TNS3: variants seen among roughly 807,000 people sequenced by gnomAD.
TNS3 encodes tensin 3.
In TNS3, 45 loss-of-function variants were observed where a neutral mutation model predicts 140.9. The observed-to-expected ratio is 0.32, with a 90% CI of 0.25 to 0.41. The LOEUF is 0.41. Ranked by LOEUF, TNS3 falls within the 10% of genes least tolerant of loss-of-function variation. The pLI, the probability that TNS3 is intolerant of heterozygous loss-of-function variation, is 1.00. For synonymous variants in TNS3, 815 were observed against 788.4 expected (o/e 1.03, Z -0.56); for missense variants, 1,716 against 1,906.7 (o/e 0.90, Z 1.86).
At chr7:47,521,824 T>C (rs774413943) in intron 2 of TNS3, among the ~76,000 whole-genome samples, 12 of 152,144 alleles carry the variant, frequency 7.9e-5, no homozygotes, top group Non-Finnish European at 1.8e-4. Flanking sequence ...GCACAGGTTC[T>C]TCCCGCTGGA....
chr7:47,479,284 G>A (rs1015246865), intron 4 of TNS3, among the ~76,000 whole-genome samples: 9 of 152,216 alleles, frequency 5.9e-5, no homozygotes, highest in African/African-American at 1.4e-4. Flanking sequence ...GACTGTCTGC[G>A]AGGTGGGAGA....
At chr7:47,482,742 GA>G (rs138509243) in intron 3 of TNS3, among the ~76,000 whole-genome samples, 22,641 of 148,778 alleles carry the variant, frequency 0.15, 1,853 homozygotes, top group Non-Finnish European at 0.19. Context: ...CAAGCATGAT[GA>G]AAAAAAAAAT....
At chr7:47,320,475 A>G (rs888926008) in intron 20 of TNS3, among the ~76,000 whole-genome samples, 7 of 152,194 alleles carry the variant, frequency 4.6e-5, no homozygotes, top group African/African-American at 1.4e-4. Context: ...AACCAACAGA[A>G]ATGTATCCCC....
chr7:47,502,533 G>A (rs1201786890), intron 3 of TNS3, among the ~76,000 whole-genome samples: 1 of 152,242 alleles, frequency 6.6e-6, no homozygotes, highest in African/African-American at 2.4e-5. Flanking sequence ...GCCAGGACAT[G>A]GGGATCCCTG....
chr7:47,334,427 A>G (rs536117740), intron 20 of TNS3, among the ~76,000 whole-genome samples: 4 of 152,172 alleles, frequency 2.6e-5, no homozygotes, highest in Non-Finnish European at 5.9e-5. Context: ...CCACTTGTAA[A>G]GCTGTTATAG....
At chr7:47,457,321 T>C (rs1314790398) in intron 4 of TNS3, among the ~76,000 whole-genome samples, 1 of 152,184 alleles carries the variant, frequency 6.6e-6, no homozygotes, top group Non-Finnish European at 1.5e-5. Flanking sequence ...GTGATCTCAC[T>C]CAATTCCTCA....
At chr7:47,298,499 T>C (rs1786185449) in intron 23 of TNS3, among the ~76,000 whole-genome samples, 1 of 152,196 alleles carries the variant, frequency 6.6e-6, no homozygotes, top group African/African-American at 2.4e-5. Context: ...CTAGACTACA[T>C]CTCAGAATTT....
chr7:47,568,470 T>A (rs1040532353), intron 1 of TNS3, among the ~76,000 whole-genome samples: 3 of 152,146 alleles, frequency 2.0e-5, no homozygotes, highest in African/African-American at 7.2e-5. Context: ...TTAGTGAGGG[T>A]TAAATGTATC....
At chr7:47,465,325 T>C (rs1796660798) in intron 4 of TNS3, among the ~76,000 whole-genome samples, 1 of 152,074 alleles carries the variant, frequency 6.6e-6, no homozygotes, top group African/African-American at 2.4e-5. Context: ...AGCCATTAGG[T>C]CATGGAAGAT....
At chr7:47,283,975 G>T in intron 27 of TNS3, 110 bp from the exon 28 acceptor site, 2 of 1,062,824 alleles carry the variant, frequency 1.9e-6, no homozygotes, top group Non-Finnish European at 2.6e-6. Context: ...AACAACTTGC[G>T]CATGTGGCCT....
Position 47,414,208 on chromosome 7 carries a change from T to C in TNS3, c.587-211A>G, listed in dbSNP as rs142541493. On this transcript the variant is annotated intron_variant, in intron 11 of 30. Coordinates refer to ENST00000311160, the MANE Select transcript of TNS3 (RefSeq NM_022748.12). ...CCTGCAGAGCAACACAGTTTGACCT[T>C]TATCCAAAGGGTGCCAAAGGCTCCT... 8.0e-3 allele frequency among the ~76,000 whole-genome samples: 1,215 copies of C among 152,098 alleles called. 15 individuals are homozygous for C. Among genetic ancestry groups the C allele is most frequent in the African/African-American group, 0.028 (1,167 of 41,468 alleles).
chr7:47,437,444 A>C, intron 6 of TNS3, 131 bp from the exon 7 acceptor site: 3 of 311,282 alleles, frequency 9.6e-6, no homozygotes, highest in Non-Finnish European at 1.7e-5. Context: ...CACACTCACA[A>C]ATCAGGGGGA....
At chr7:47,427,662 C>G (rs1794728729) in intron 9 of TNS3, among the ~76,000 whole-genome samples, 1 of 152,196 alleles carries the variant, frequency 6.6e-6, no homozygotes, top group South Asian at 2.1e-4. Flanking sequence ...TGTGTCATGT[C>G]TGGCTTAGGG....
chr7:47,401,262 G>C (rs964628512), intron 13 of TNS3, among the ~76,000 whole-genome samples: 1 of 152,194 alleles, frequency 6.6e-6, no homozygotes, highest in Non-Finnish European at 1.5e-5. Context: ...CCCTGTTTTG[G>C]AACACATCCG....
At chr7:47,558,296 T>A (rs1800249902) in intron 1 of TNS3, among the ~76,000 whole-genome samples, 1 of 152,200 alleles carries the variant, frequency 6.6e-6, no homozygotes, top group Non-Finnish European at 1.5e-5. Context: ...CTAGGAATGC[T>A]TCCTCGGCCT....
intron 3 of TNS3, among the ~76,000 whole-genome samples, chr7:47,498,801 T>C (rs1233282755): frequency 6.6e-6 from 1 of 152,196 alleles, no homozygotes; most frequent in Non-Finnish European, 1.5e-5. Context: ...AAAGACCTGT[T>C]TCCTCTGGTG....
intron 20 of TNS3, among the ~76,000 whole-genome samples, chr7:47,337,948 T>C (rs1437147512): frequency 6.6e-6 from 1 of 152,258 alleles, no homozygotes; most frequent in Non-Finnish European, 1.5e-5. Context: ...GTGTGACATA[T>C]ATGGAATCAT....
intron 13 of TNS3, among the ~76,000 whole-genome samples, chr7:47,406,823 A>AG (rs1425578904): frequency 2.0e-5 from 3 of 152,220 alleles, no homozygotes; most frequent in Non-Finnish European, 2.9e-5. Context: ...TCTCAACTTA[A>AG]GGATTGCTCA....
chr7:47,455,341 C>G (rs1203572959), intron 4 of TNS3, among the ~76,000 whole-genome samples: 1 of 152,184 alleles, frequency 6.6e-6, no homozygotes, highest in Non-Finnish European at 1.5e-5. Flanking sequence ...AGGACCATAC[C>G]TGCCTCCACA....
Sources: gnomAD v4.1 joint callset for allele counts (sites outside exome capture counted in the v4.1 genomes callset) on GRCh38, gnomAD v4.1.1 for gene constraint, MANE v1.5 for transcripts, NCBI Gene and HGNC (gene_info 2026-07-23, HGNC 2026-07-21) for gene names.